The following THTPA variants were observed in gnomAD, a reference collection of about 807,000 sequenced individuals.
THTPA encodes thiamine triphosphatase.
THTPA carries 16 observed loss-of-function variants against 16.5 expected under a neutral mutation model. The ratio of observed to expected loss-of-function variants is 0.97; its 90% CI spans 0.66 to 1.47. The LOEUF is 1.47. THTPA is among the 40% of genes most tolerant of loss of function. THTPA has a pLI of 0.00. For missense variants in THTPA, 281 were observed against 280.9 expected (o/e 1.00, Z 0.00); for synonymous variants, 110 against 115.5 (o/e 0.95, Z 0.30).
At chr14:23,521,989 C>A in the THTPA span, 1 of 1,536,308 alleles carries the variant, frequency 6.5e-7, no homozygotes, top group Non-Finnish European at 8.7e-7. Context: ...TAGAGGTAGT[C>A]GTAGTTTTTG....
Position 23,559,106 on chromosome 14 carries a change from T to G in THTPA, c.*266T>G, listed in dbSNP as rs1482340619. The G allele has an allele frequency of 2.1e-6, 1 of 465,474 alleles. No homozygotes were observed. The allele number at this position is 465,474 out of a possible 1,614,324, so 28.8% of individuals were successfully genotyped here. A position where few individuals can be genotyped will look rare whatever the true frequency, so the allele number is the denominator to read the frequency against. ...TTGATTTCCGCTCGTGTTTATAGGATTTCCACTTAGCCGTGATCAGTAGTT... is the reference window on the plus strand; with the variant it reads ...TTGATTTCCGCTCGTGTTTATAGGAGTTCCACTTAGCCGTGATCAGTAGTT... On this transcript the variant is annotated 3_prime_UTR_variant, in exon 2 of 2. Transcript: ENST00000288014.
At chr14:23,526,006 G>A in the THTPA span, 3 of 1,533,172 alleles carry the variant, frequency 2.0e-6, no homozygotes, top group East Asian at 2.4e-5. Context: ...AGCCACTGGT[G>A]TCAGGGCCCT....
the THTPA span, chr14:23,531,591 G>A: frequency 6.6e-7 from 1 of 1,526,494 alleles, no homozygotes; most frequent in Non-Finnish European, 8.8e-7. Flanking sequence ...CTGGGCCTGG[G>A]CATCGCGGTG....
chr14:23,554,983 C>G (rs533965905), upstream of THTPA, among the ~76,000 whole-genome samples: 1 of 152,140 alleles, frequency 6.6e-6, no homozygotes, highest in South Asian at 2.1e-4. Context: ...CCCATGTTTT[C>G]CTGAATTTTA....
chr14:23,525,108 A>G, the THTPA span: 1 of 1,536,140 alleles, frequency 6.5e-7, no homozygotes, highest in Non-Finnish European at 8.7e-7. This position sits in a 1 kb window ranked among gnomAD's most constrained non-coding sequence, Gnocchi z 5.9. Flanking sequence ...TCAAAGAAAG[A>G]CTGCAGGGCT....
chr14:23,540,937 G>A, the THTPA span, among the ~76,000 whole-genome samples: 8 of 150,376 alleles, frequency 5.3e-5, no homozygotes, highest in African/African-American at 9.8e-5. Context: ...ACAGAGTCTC[G>A]CTCTGTCACC....
the THTPA span, chr14:23,526,225 G>A: frequency 1.3e-6 from 2 of 1,536,352 alleles, no homozygotes; most frequent in Non-Finnish European, 1.7e-6. Flanking sequence ...CAGCAGTGGT[G>A]GTGGGTGGGG....
chr14:23,541,277 G>T, the THTPA span, among the ~76,000 whole-genome samples: 6 of 149,640 alleles, frequency 4.0e-5, no homozygotes, highest in Non-Finnish European at 7.4e-5. Context: ...CAGAATCTTA[G>T]ATGGACAGGA....
the THTPA span, chr14:23,522,097 C>G: frequency 6.5e-7 from 1 of 1,535,674 alleles, no homozygotes; most frequent in East Asian, 2.4e-5. Context: ...TGGGTGGGCC[C>G]CCTTGAGGTG....
At chr14:23,527,636 C>T in the THTPA span, 1 of 1,536,566 alleles carries the variant, frequency 6.5e-7, no homozygotes, top group Non-Finnish European at 8.7e-7. Context: ...CACTCGGGCA[C>T]CACGTTGTGA....
At chr14:23,523,671 T>A in the THTPA span, 1 of 1,540,798 alleles carries the variant, frequency 6.5e-7, no homozygotes, top group Non-Finnish European at 8.7e-7. The surrounding 1 kb of genome is among the most constrained non-coding windows in gnomAD (Gnocchi z 4.1). Flanking sequence ...TCCTGCATGG[T>A]GGGGGTGCGG....
chr14:23,526,734 C>T, the THTPA span: 9 of 1,534,450 alleles, frequency 5.9e-6, no homozygotes, highest in African/African-American at 1.2e-4. Flanking sequence ...AAGCCAGACC[C>T]CACCCACTCA....
chr14:23,523,742 C>T, the THTPA span: 17 of 1,536,090 alleles, frequency 1.1e-5, no homozygotes, highest in Non-Finnish European at 1.3e-5. The surrounding 1 kb of genome is among the most constrained non-coding windows in gnomAD (Gnocchi z 4.1). Flanking sequence ...GGTCCTGTAG[C>T]GCCGCTGCCC....
Position 23,556,898 on chromosome 14 carries a change from C to T in THTPA, c.141C>T (p.Leu47=). Residue 47 remains leucine (L), a synonymous_variant, in exon 1 of 2, where the codon CTC becomes CTT. Transcript: ENST00000288014. ...ACTATGACACCCCTGAGCTGAGCCT[C>T]ATGCAGGCTGACCACTGGCTGCGAC... ...DTYYDTPELS[L]MQADHWLRRR... 6.2e-7 allele frequency: 1 copy of T among 1,613,898 alleles called. No homozygotes were observed. The highest frequency in any genetic ancestry group is 2.2e-5 in the East Asian group (1 of 44,870).
the THTPA span, chr14:23,533,406 T>C: frequency 6.7e-7 from 1 of 1,499,496 alleles, no homozygotes; most frequent in Non-Finnish European, 8.9e-7. The surrounding 1 kb of genome is among the most constrained non-coding windows in gnomAD (Gnocchi z 4.8). Flanking sequence ...GAGGCTGCCC[T>C]AGGGCCTGGG....
the THTPA span, chr14:23,526,874 GCTCTGGCC>G: frequency 6.5e-7 from 1 of 1,533,846 alleles, no homozygotes; most frequent in Non-Finnish European, 8.7e-7. Context: ...CTCGGTGTAG[GCTCTGGCC>G]CATGAGTGGG....
At chr14:23,531,103 C>G in the THTPA span, 28 of 168,692 alleles carry the variant, frequency 1.7e-4, no homozygotes, top group Admixed American at 6.3e-4. Flanking sequence ...CAGCTCCTAT[C>G]TCCTTCCAAG....
At chr14:23,524,863 A>G in the THTPA span, 1 of 1,536,544 alleles carries the variant, frequency 6.5e-7, no homozygotes, top group Non-Finnish European at 8.7e-7. This position sits in a 1 kb window ranked among gnomAD's most constrained non-coding sequence, Gnocchi z 5.6. Flanking sequence ...TCTGGTCATC[A>G]TAGCACTTCT....
the THTPA span, chr14:23,524,376 T>TG: frequency 6.5e-7 from 1 of 1,536,210 alleles, no homozygotes; most frequent in South Asian, 1.2e-5. The surrounding 1 kb of genome is among the most constrained non-coding windows in gnomAD (Gnocchi z 5.6). Flanking sequence ...CGCTTGTCCC[T>TG]GGGGGGCTCG....
Sources: allele counts gnomAD v4.1 joint callset (sites outside exome capture counted in the v4.1 genomes callset), GRCh38; gene constraint gnomAD v4.1.1; non-coding constraint Gnocchi (gnomAD v3.1); transcripts MANE v1.5; gene names NCBI Gene and HGNC (gene_info 2026-07-23, HGNC 2026-07-21).